CACNG8: variants seen among roughly 807,000 people sequenced by gnomAD.
CACNG8 encodes the protein voltage-dependent calcium channel gamma-8 subunit.
Under a neutral mutation model 26.9 loss-of-function variants are expected in CACNG8, and 5 were observed. The observed-to-expected ratio is 0.19, with a 90% CI of 0.10 to 0.39. The LOEUF (loss-of-function observed/expected upper bound fraction) is 0.39, where lower values mean the gene tolerates loss of function less well. Ranked by LOEUF, CACNG8 falls within the 10% of genes least tolerant of loss-of-function variation. CACNG8 has a pLI of 1.00. For missense variants in CACNG8, 473 were observed against 609.4 expected, an observed-to-expected ratio of 0.78 and a Z score of 2.36; for synonymous variants, 321 against 296.7, an observed-to-expected ratio of 1.08 and a Z score of -0.84.
In CACNG8 at chr19:53,963,119, G is replaced by GC; in HGVS notation, c.-18dup. The GC allele has an allele frequency of 2.1e-6, 3 of 1,449,378 alleles. No homozygotes were observed. 89.8% of individuals were successfully genotyped at this position (1,449,378 alleles called of 1,614,324 possible). A position where few individuals can be genotyped will look rare whatever the true frequency, so the allele number is the denominator to read the frequency against. ...CCCGCTGCCCCGGTGGTGGCCCACG[G>GC]CCCCCCGGCTGCCCGTGGTCAAACT... On this transcript the variant is annotated 5_prime_UTR_variant, in exon 1 of 4. Transcript: ENST00000270458.
In CACNG8 at chr19:53,989,897, C is replaced by G. The variant is rs1379087858; in HGVS notation, c.*7048C>G. Reference sequence around the variant, plus strand: ...GCTGGAAGAACCAGACACAGACAATCACACTGCGGGGAAACACGTGCTCCA... The same window carrying G: ...GCTGGAAGAACCAGACACAGACAATGACACTGCGGGGAAACACGTGCTCCA... On this transcript the variant is annotated 3_prime_UTR_variant, in exon 4 of 4. Coordinates refer to ENST00000270458, the MANE Select transcript of CACNG8 (RefSeq NM_031895.6). 6.6e-6 allele frequency: 1 copy of G among 152,616 alleles called. No homozygotes were observed. The highest frequency in any genetic ancestry group is 1.5e-5 in the Non-Finnish European group (1 of 68,290). The allele number at this position is 152,616 out of a possible 1,614,324, so 9.5% of individuals were successfully genotyped here. A position where few individuals can be genotyped will look rare whatever the true frequency, so the allele number is the denominator to read the frequency against.
chr19:53,982,025 G>A lies in CACNG8; in HGVS notation c.509-55G>A. On this transcript the variant is annotated intron_variant, in intron 3 of 3. Coordinates refer to ENST00000270458, the MANE Select transcript of CACNG8 (RefSeq NM_031895.6). The surrounding 1 kb of genome is among the most constrained non-coding windows in gnomAD (Gnocchi z 8.4). ...AGGCGGGCAGGGGTCGGGGCCGGGG[G>A]CGGGGGCGGGGCCGGGGGTGGCCTC... The A allele has an allele frequency of 6.7e-7, 1 of 1,500,900 alleles. No homozygotes were observed. The highest frequency in any genetic ancestry group is 1.3e-5 in the South Asian group (1 of 79,546). 93.0% of individuals were successfully genotyped at this position (1,500,900 alleles called of 1,614,324 possible).
At chr19:53,966,751 G>A (rs368905533) in intron 1 of CACNG8, among the ~76,000 whole-genome samples, 18 of 152,286 alleles carry the variant, frequency 1.2e-4, no homozygotes, top group East Asian at 1.9e-4. Flanking sequence ...GATGGGAGCC[G>A]TTGAAGGTTC....
At chr19:53,968,812 C>T (rs75844776) in intron 1 of CACNG8, among the ~76,000 whole-genome samples, 8,869 of 145,102 alleles carry the variant, frequency 0.061, 323 homozygotes, top group African/African-American at 0.076. Flanking sequence ...TGAGAAGTCA[C>T]CAAAGGAGTG....
Position 53,982,896 on chromosome 19 carries a change from G to A in CACNG8, c.*47G>A, listed in dbSNP as rs1407881809. 3 of 1,199,652 alleles carry A rather than the reference G, an allele frequency of 2.5e-6. No homozygotes were observed. The highest frequency in any genetic ancestry group is 4.0e-5 in the East Asian group (1 of 25,254). The allele number at this position is 1,199,652 out of a possible 1,614,324, so 74.3% of individuals were successfully genotyped here. A position where few individuals can be genotyped will look rare whatever the true frequency, so the allele number is the denominator to read the frequency against. On this transcript the variant is annotated 3_prime_UTR_variant, in exon 4 of 4. Coordinates refer to ENST00000270458, the MANE Select transcript of CACNG8 (RefSeq NM_031895.6). This position sits in a 1 kb window ranked among gnomAD's most constrained non-coding sequence, Gnocchi z 8.4. ...GGGCGTGTCCGGGGCGCGTGCGCGG[G>A]CGCGCGTGCATCGAGGCTGCCGGGG... is the stretch of plus-strand genomic sequence containing the variant.
At chr19:53,980,093 C>CGT in intron 3 of CACNG8, 86 bp downstream of exon 3, 1 of 1,351,526 alleles carries the variant, frequency 7.4e-7, no homozygotes, top group Non-Finnish European at 9.8e-7. Flanking sequence ...TGTGCGCGCG[C>CGT]GCGCGTGAGT....
chr19:53,980,083 T>A, intron 3 of CACNG8, 76 bp downstream of exon 3: 1 of 1,226,464 alleles, frequency 8.2e-7, no homozygotes, highest in Non-Finnish European at 1.1e-6. Flanking sequence ...TGTGTGTGTG[T>A]GTGCGCGCGC....
Position 53,963,076 on chromosome 19 carries a change from C to G in CACNG8, c.-67C>G. 1 of 1,096,116 alleles carries G rather than the reference C, an allele frequency of 9.1e-7. No homozygotes were observed. Among genetic ancestry groups the G allele is most frequent in the South Asian group, 2.3e-5 (1 of 43,892 alleles). The allele number at this position is 1,096,116 out of a possible 1,614,324, so 67.9% of individuals were successfully genotyped here. ...CCTGCGCTGTGAACCCCCCCCCAGC[C>G]GCCGGCACGGCCCCGCCCCCGCTGC... On this transcript the variant is annotated 5_prime_UTR_variant, in exon 1 of 4. Coordinates refer to ENST00000270458, the MANE Select transcript of CACNG8 (RefSeq NM_031895.6).
rs779285708 is a variant in CACNG8 at position 53,982,297 on chromosome 19, G to A, written c.726G>A (p.Leu242=). The A allele has an allele frequency of 1.2e-6, 2 of 1,606,462 alleles. No individual in the cohort carries two copies. The highest frequency in any genetic ancestry group is 8.5e-7 in the Non-Finnish European group (1 of 1,177,202). The change falls in exon 4 of 4, where the codon CTG becomes CTA. Residue 242 remains leucine, a synonymous_variant. Coordinates refer to ENST00000270458, the MANE Select transcript of CACNG8 (RefSeq NM_031895.6). The surrounding 1 kb of genome is among the most constrained non-coding windows in gnomAD (Gnocchi z 8.4). ...CGCACTGCCAGTCTCGCTCGGACCT[G>A]CTCAAGGCCGGCGGGGGCGCGGGCG...
At position 53,978,235 on chromosome 19, in the gene CACNG8, TG is replaced by T; in HGVS notation, c.367+11del. On this transcript the variant is annotated splice_region_variant and intron_variant, in intron 2 of 3. Transcript: ENST00000270458. ...CAGCGCGGAGTATCTACTCCGTACG[TG>T]GGGGTCCGGGACAGACGTGGGGAGT... The T allele has an allele frequency of 6.2e-7, 1 of 1,610,232 alleles. No individual in the cohort carries two copies. Among genetic ancestry groups the T allele is most frequent in the Non-Finnish European group, 8.5e-7 (1 of 1,178,134 alleles).
At position 53,963,013 on chromosome 19, in the gene CACNG8, C is replaced by A. The variant is rs1212403182; in HGVS notation, c.-130C>A. The A allele has an allele frequency of 1.8e-5, 7 of 382,582 alleles. No individual in the cohort carries two copies. Among genetic ancestry groups the A allele is most frequent in the East Asian group, 1.7e-4 (4 of 23,974 alleles). The allele number at this position is 382,582 out of a possible 1,614,324, so 23.7% of individuals were successfully genotyped here. A position where few individuals can be genotyped will look rare whatever the true frequency, so the allele number is the denominator to read the frequency against. The stretch of plus-strand genomic sequence containing the variant: ...GCCGCAGCCTCCTCCTCGCCGCCCC[C>A]CTCCCCAGCCCCGCCGGCCCCGGGC... On this transcript the variant is annotated 5_prime_UTR_variant, in exon 1 of 4. Transcript: ENST00000270458.
chr19:53,982,659 C>T lies in CACNG8; in HGVS notation c.1088C>T (p.Ser363Phe). The T allele has an allele frequency of 9.3e-7, 1 of 1,075,628 alleles. No homozygotes were observed. The highest frequency in any genetic ancestry group is 4.1e-4 in the Middle Eastern group (1 of 2,410). 66.6% of individuals were successfully genotyped at this position (1,075,628 alleles called of 1,614,324 possible). Residue 363 changes from serine (S) to phenylalanine (F), a missense_variant, in exon 4 of 4, where the codon TCC becomes TTC. Physicochemically the swap from Ser to Phe is radical, Grantham distance 155. Around this residue, in one of 6 missense-constraint regions of CACNG8, gnomAD observed 212 missense variants for 214.4 expected, o/e 0.99. Coordinates refer to ENST00000270458, the MANE Select transcript of CACNG8 (RefSeq NM_031895.6). The surrounding 1 kb of genome is among the most constrained non-coding windows in gnomAD (Gnocchi z 8.4). ...GCCGAGCGGGACCGCGGGGGGGCGT[C>T]CGGCTTCCTCACGCTGCACAACGCC...
intron 1 of CACNG8, among the ~76,000 whole-genome samples, chr19:53,968,498 G>A (rs578067788): frequency 2.0e-5 from 3 of 151,656 alleles, no homozygotes; most frequent in Admixed American, 1.3e-4. Flanking sequence ...GGCCGGGCGC[G>A]GTGGCTCACG....
chr19:53,967,680 C>T (rs1013111917), intron 1 of CACNG8, among the ~76,000 whole-genome samples: 11 of 152,066 alleles, frequency 7.2e-5, no homozygotes, highest in Non-Finnish European at 1.3e-4. Flanking sequence ...ACTAAAAATA[C>T]GAAAATTAGC....
rs573258127 is a variant in CACNG8, at chr19:53,988,070, C to T, written c.*5221C>T. ...TTTGTGTTTCAAGAAGGAGAGGAGACAGCCAGCTGTGCCAAGGGCTGCTGA... is the reference window on the plus strand; with the variant it reads ...TTTGTGTTTCAAGAAGGAGAGGAGATAGCCAGCTGTGCCAAGGGCTGCTGA... On this transcript the variant is annotated 3_prime_UTR_variant, in exon 4 of 4. Transcript: ENST00000270458. The T allele has an allele frequency of 6.6e-6, 1 of 152,594 alleles. No homozygotes were observed. Among genetic ancestry groups the T allele is most frequent in the African/African-American group, 2.4e-5 (1 of 41,498 alleles). 9.5% of individuals were successfully genotyped at this position (152,594 alleles called of 1,614,324 possible).
intron 1 of CACNG8, among the ~76,000 whole-genome samples, chr19:53,967,681 G>A (rs1047266644): frequency 1.1e-4 from 16 of 152,038 alleles, no homozygotes; most frequent in African/African-American, 3.6e-4. Context: ...CTAAAAATAC[G>A]AAAATTAGCC....
intron 1 of CACNG8, among the ~76,000 whole-genome samples, chr19:53,972,971 C>G (rs1165119753): frequency 6.6e-6 from 1 of 152,156 alleles, no homozygotes; most frequent in Non-Finnish European, 1.5e-5. Flanking sequence ...CCCTATGCCT[C>G]CATTTCCTCA....
intron 1 of CACNG8, among the ~76,000 whole-genome samples, chr19:53,964,432 C>T (rs1295614027): frequency 6.6e-6 from 1 of 152,008 alleles, no homozygotes; most frequent in Non-Finnish European, 1.5e-5. Flanking sequence ...CACCAGGGTG[C>T]CCTCCAACCT....
At chr19:53,980,083 T>C (rs202060954) in intron 3 of CACNG8, 76 bp downstream of exon 3, 321,526 of 1,201,656 alleles carry the variant, frequency 0.27, 40,273 homozygotes, top group East Asian at 0.38. Flanking sequence ...TGTGTGTGTG[T>C]GTGCGCGCGC....
Sources: gnomAD v4.1 joint callset for allele counts (sites outside exome capture counted in the v4.1 genomes callset) on GRCh38, gnomAD v4.1.1 for gene constraint, gnomAD v4.1.1 regional missense constraint, Gnocchi (gnomAD v3.1) non-coding constraint, MANE v1.5 for transcripts, NCBI Gene and HGNC (gene_info 2026-07-23, HGNC 2026-07-21) for gene names.